Variants in EPS8 observed in about 807,000 individuals in gnomAD.
The protein encoded by EPS8 is epidermal growth factor receptor kinase substrate 8.
Under a neutral mutation model 103.8 loss-of-function variants are expected in EPS8, and 42 were observed. The observed-to-expected ratio is 0.40, with a 90% confidence interval of 0.32 to 0.52. The LOEUF (loss-of-function observed/expected upper bound fraction) is 0.52, where lower values mean the gene tolerates loss of function less well. Among genes scored for constraint, EPS8 ranks in the 20% least tolerant of loss-of-function variants. EPS8 has a pLI of 0.40. For synonymous variants in EPS8, 344 were observed against 344.6 expected, an observed-to-expected ratio of 1.00 and a Z score of 0.02; for missense variants, 969 against 1,005.1, an observed-to-expected ratio of 0.96 and a Z score of 0.49.
At chr12:15,652,263 T>C (rs988321722) in intron 13 of EPS8, among the ~76,000 whole-genome samples, 1 of 152,152 alleles carries the variant, frequency 6.6e-6, no homozygotes, top group African/African-American at 2.4e-5. Context: ...GAGAGTAGAC[T>C]GGTGTTTACT....
intron 17 of EPS8, among the ~76,000 whole-genome samples, chr12:15,635,285 CAT>C (rs908064557): frequency 4.8e-4 from 73 of 152,074 alleles, no homozygotes; most frequent in African/African-American, 1.2e-3. Context: ...TATAAAAACA[CAT>C]ATATATATTT....
At chr12:15,643,290 G>A (rs1945263108) in intron 15 of EPS8, among the ~76,000 whole-genome samples, 1 of 152,088 alleles carries the variant, frequency 6.6e-6, no homozygotes, top group Admixed American at 6.5e-5. Flanking sequence ...CAAATTTTTT[G>A]TTATCTTGCA....
At chr12:15,768,313 C>T (rs929768585) in intron 1 of EPS8, among the ~76,000 whole-genome samples, 3 of 149,732 alleles carry the variant, frequency 2.0e-5, no homozygotes, top group African/African-American at 7.4e-5. Flanking sequence ...TGGCGGGCAC[C>T]TGTAATCCCA....
At chr12:15,623,419 C>A in intron 19 of EPS8, 132 bp from the exon 20 acceptor site, 1 of 710,664 alleles carries the variant, frequency 1.4e-6, no homozygotes, top group East Asian at 2.7e-5. Flanking sequence ...TATTAAATGC[C>A]ACTACAGTCT....
chr12:15,671,221 T>G (rs1945811373), intron 3 of EPS8, among the ~76,000 whole-genome samples: 1 of 152,162 alleles, frequency 6.6e-6, no homozygotes, highest in Non-Finnish European at 1.5e-5. Flanking sequence ...AGGTTTTATT[T>G]ATCAGTCAGG....
At chr12:15,782,515 A>G (rs1947270523) in intron 1 of EPS8, among the ~76,000 whole-genome samples, 1 of 152,126 alleles carries the variant, frequency 6.6e-6, no homozygotes, top group Non-Finnish European at 1.5e-5. Context: ...ATTTTTTTAA[A>G]TAAATAAATA....
chr12:15,630,154 G>A (rs1591801865), intron 18 of EPS8, among the ~76,000 whole-genome samples: 1 of 151,534 alleles, frequency 6.6e-6, no homozygotes, highest in African/African-American at 2.4e-5. Flanking sequence ...CACATTGAGG[G>A]AAAGATAGAT....
intron 10 of EPS8, among the ~76,000 whole-genome samples, chr12:15,660,349 C>T (rs1015991081): frequency 2.0e-5 from 3 of 151,806 alleles, no homozygotes; most frequent in South Asian, 2.1e-4. Flanking sequence ...CTGCAACCTC[C>T]GCCTGCTAGG....
intron 18 of EPS8, 55 bp from the exon 19 acceptor site, chr12:15,624,462 C>G: frequency 7.6e-7 from 1 of 1,323,608 alleles, no homozygotes; most frequent in Non-Finnish European, 1.0e-6. Context: ...TTACATCACC[C>G]TCTCTAGAAC....
intron 1 of EPS8, among the ~76,000 whole-genome samples, chr12:15,775,280 T>A (rs1259397893): frequency 6.6e-6 from 1 of 152,176 alleles, no homozygotes; most frequent in African/African-American, 2.4e-5. Flanking sequence ...TTATGAATAA[T>A]GGCTTCTTCA....
chr12:15,715,372 C>CT lies in EPS8; in HGVS notation c.-21-32401dup, dbSNP rs1179338642. ...CAGGGGCTGATCCCAAGAGCGCTTTCTTTTTTTTTTTCTTTACTTTTCTTT... is the reference window on the plus strand; with the variant it reads ...CAGGGGCTGATCCCAAGAGCGCTTTCTTTTTTTTTTTTCTTTACTTTTCTTT... On this transcript the variant is annotated intron_variant, in intron 1 of 20. Coordinates refer to ENST00000281172, the MANE Select transcript of EPS8 (RefSeq NM_004447.6). 1.9e-3 allele frequency among the ~76,000 whole-genome samples: 249 copies of CT among 128,270 alleles called. 4 individuals carry two copies. The East Asian group carries it at 0.04, about 21-fold the overall frequency. The allele number at this position is 128,270 out of a possible 152,430, so 84.2% of individuals were successfully genotyped here.
chr12:15,631,884 C>A, intron 17 of EPS8: 1 of 443,148 alleles, frequency 2.3e-6, no homozygotes, highest in Non-Finnish European at 4.0e-6. Flanking sequence ...TAAGGAGTCA[C>A]AAGGCTACGT....
In EPS8 at chr12:15,757,613, AG is replaced by A. The variant is rs1947000540; in HGVS notation, c.-22+31547del. Among the ~76,000 whole-genome samples the A allele has an allele frequency of 6.6e-6, 1 of 152,012 alleles. No individual in the cohort carries two copies. Among genetic ancestry groups the A allele is most frequent in the South Asian group, 2.1e-4 (1 of 4,820 alleles). The stretch of plus-strand genomic sequence containing the variant: ...CCACTGCACTCCAGCCTGGCAACAG[AG>A]CGAGACTCCGTCTGAAGAAAAAAAA... On this transcript the variant is annotated intron_variant, in intron 1 of 20. Coordinates refer to ENST00000281172, the MANE Select transcript of EPS8 (RefSeq NM_004447.6). This position sits in a 1 kb window ranked among gnomAD's most constrained non-coding sequence, Gnocchi z 4.1.
At chr12:15,730,124 G>A (rs968434697) in intron 1 of EPS8, among the ~76,000 whole-genome samples, 1 of 151,976 alleles carries the variant, frequency 6.6e-6, no homozygotes, top group Non-Finnish European at 1.5e-5. Context: ...TAACTTTGGG[G>A]CATCTCAACT....
chr12:15,640,813 G>A lies in EPS8; in HGVS notation c.1711C>T (p.Arg571Ter), dbSNP rs1457535054. Reference sequence around the variant, plus strand: ...AATCCAGAGTCTCCACTTGCATTTCGAACTTTCCACCATTGCTTCCGATCA... The same window carrying A: ...AATCCAGAGTCTCCACTTGCATTTCAAACTTTCCACCATTGCTTCCGATCA... ...LDDRKQWWKV[R>*]NASGDSGFVP... is the part of the protein sequence containing the mutation. Residue 571 changes from arginine (R) to a stop codon, truncating the protein, a stop_gained, in exon 17 of 21, where the codon CGA (arginine) becomes TGA (stop). Coordinates refer to ENST00000281172, the MANE Select transcript of EPS8 (RefSeq NM_004447.6). LOFTEE classifies it high-confidence loss of function. The A allele has an allele frequency of 1.2e-6, 2 of 1,613,696 alleles. No homozygotes were observed. The highest frequency in any genetic ancestry group is 1.1e-5 in the South Asian group (1 of 91,066).
At chr12:15,680,780 A>G (rs1328318138) in intron 3 of EPS8, among the ~76,000 whole-genome samples, 3 of 152,194 alleles carry the variant, frequency 2.0e-5, no homozygotes, top group Non-Finnish European at 4.4e-5. Flanking sequence ...AAGATCAGGG[A>G]AAAAGCATAA....
At chr12:15,694,001 C>T (rs1255784045) in intron 1 of EPS8, among the ~76,000 whole-genome samples, 7 of 152,142 alleles carry the variant, frequency 4.6e-5, no homozygotes, top group African/African-American at 1.2e-4. Context: ...CAATGGAACA[C>T]GTATACCTAT....
At chr12:15,656,512 A>C (rs1306165149) in intron 12 of EPS8, among the ~76,000 whole-genome samples, 4 of 152,116 alleles carry the variant, frequency 2.6e-5, no homozygotes, top group Non-Finnish European at 5.9e-5. Flanking sequence ...TATGTTTGTA[A>C]AGCAATACTC....
In EPS8 at chr12:15,759,428, TAAGA is replaced by T. The variant is rs1947019552; in HGVS notation, c.-22+29729_-22+29732del. On this transcript the variant is annotated intron_variant, in intron 1 of 20. Transcript: ENST00000281172. The surrounding 1 kb of genome is among the most constrained non-coding windows in gnomAD (Gnocchi z 4.9). Reference sequence around the variant, plus strand: ...TCTACTGTATTTAATATTTATCCATTAAGAAAGATACTAGCACTGACAAATTAAA... The same window carrying T: ...TCTACTGTATTTAATATTTATCCATTAAGATACTAGCACTGACAAATTAAA... 6.6e-6 allele frequency among the ~76,000 whole-genome samples: 1 copy of T among 152,160 alleles called. No homozygotes were observed. The highest frequency in any genetic ancestry group is 1.5e-5 in the Non-Finnish European group (1 of 67,970).
Sources: allele counts gnomAD v4.1 joint callset (sites outside exome capture counted in the v4.1 genomes callset), GRCh38; gene constraint gnomAD v4.1.1; non-coding constraint Gnocchi (gnomAD v3.1); transcripts MANE v1.5; gene names NCBI Gene and HGNC (gene_info 2026-07-23, HGNC 2026-07-21).